The following GAS7 variants were observed in gnomAD, a reference collection of about 807,000 sequenced individuals.
GAS7 encodes the protein growth arrest specific 7.
GAS7 carries 28 observed loss-of-function variants against 71.1 expected under a neutral mutation model. That is an observed-to-expected ratio of 0.39 (90% CI 0.29 to 0.54). The LOEUF is 0.54. Among genes scored for constraint, GAS7 ranks in the 20% least tolerant of loss-of-function variants. The pLI is 0.62. For missense variants in GAS7, 436 were observed against 627.8 expected, an observed-to-expected ratio of 0.69 and a Z score of 3.27; for synonymous variants, 258 against 245.8, an observed-to-expected ratio of 1.05 and a Z score of -0.46.
At chr17:9,941,748 C>G (rs75896471) in intron 7 of GAS7, among the ~76,000 whole-genome samples, 1 of 152,324 alleles carries the variant, frequency 6.6e-6, no homozygotes, top group African/African-American at 2.4e-5. Context: ...ATTGTTTTCT[C>G]AAACCCGAGC....
chr17:10,055,380 T>C (rs760270933), intron 1 of GAS7, among the ~76,000 whole-genome samples: 30 of 152,164 alleles, frequency 2.0e-4, no homozygotes, highest in Non-Finnish European at 1.8e-4. Context: ...GATGTGGCCA[T>C]AGGCATCCTC....
chr17:10,085,706 A>AAAAAAG (rs1555531934), intron 1 of GAS7, among the ~76,000 whole-genome samples: 2 of 134,916 alleles, frequency 1.5e-5, no homozygotes, highest in African/African-American at 6.0e-5. Context: ...AAAAAAAAAA[A>AAAAAAG]AAAGAAAGAA....
intron 1 of GAS7, among the ~76,000 whole-genome samples, chr17:10,074,662 T>G (rs529561093): frequency 1.3e-5 from 2 of 152,338 alleles, no homozygotes; most frequent in South Asian, 4.1e-4. Flanking sequence ...AAAACCTACC[T>G]TAAAAAACTG....
At chr17:10,067,049 C>T (rs563680125) in intron 1 of GAS7, among the ~76,000 whole-genome samples, 3 of 152,256 alleles carry the variant, frequency 2.0e-5, no homozygotes, top group Middle Eastern at 3.4e-3. Flanking sequence ...TAAAAATTGG[C>T]CTCTCTTTGC....
At chr17:10,123,615 T>C (rs2073921771) in intron 1 of GAS7, among the ~76,000 whole-genome samples, 1 of 152,226 alleles carries the variant, frequency 6.6e-6, no homozygotes, top group South Asian at 2.1e-4. Flanking sequence ...TGGTCCTGTT[T>C]ATCATCTCTC....
intron 11 of GAS7, among the ~76,000 whole-genome samples, chr17:9,923,018 C>A (rs1046339539): frequency 6.6e-6 from 1 of 152,196 alleles, no homozygotes; most frequent in African/African-American, 2.4e-5. Flanking sequence ...AAGCGATTCT[C>A]CTGCTTTGGC....
intron 5 of GAS7, among the ~76,000 whole-genome samples, chr17:9,958,036 C>T (rs950471469): frequency 3.9e-5 from 6 of 152,180 alleles, no homozygotes; most frequent in Non-Finnish European, 8.8e-5. Context: ...AGGCTCTGTT[C>T]TAAGTGCTTT....
intron 1 of GAS7, among the ~76,000 whole-genome samples, chr17:10,084,989 G>C (rs1226789691): frequency 6.6e-6 from 1 of 152,096 alleles, no homozygotes; most frequent in African/African-American, 2.4e-5. Context: ...AGCAAGAAAG[G>C]GATGCATGGA....
chr17:10,164,848 G>GAAAA (rs755151597), intron 1 of GAS7, among the ~76,000 whole-genome samples: 77 of 106,054 alleles, frequency 7.3e-4, no homozygotes, highest in Non-Finnish European at 1.0e-3. Flanking sequence ...ATGAAAAAAG[G>GAAAA]AAAAAAAAAA....
rs149142004 is a variant in GAS7 at position 10,176,487 on chromosome 17, A to C, written c.183+21721T>G. Among the ~76,000 whole-genome samples, 56 of 152,368 alleles carry C rather than the reference A, an allele frequency of 3.7e-4. No homozygotes were observed. The East Asian group carries it at 8.5e-3, about 23-fold the overall frequency. ...TTCCAGTCATCCTCAAAATCCTTCT[A>C]GTCACCCTGAATGGGCAGCAGAATG... On this transcript the variant is annotated intron_variant, in intron 1 of 13. Coordinates refer to ENST00000432992, the MANE Select transcript of GAS7 (RefSeq NM_201433.2).
chr17:10,047,172 G>A (rs879933937), intron 1 of GAS7, among the ~76,000 whole-genome samples: 1 of 152,162 alleles, frequency 6.6e-6, no homozygotes, highest in Non-Finnish European at 1.5e-5. Flanking sequence ...GGCGTGGGAG[G>A]GGTGCTCACT....
chr17:10,030,797 T>C (rs2072599033), intron 1 of GAS7, among the ~76,000 whole-genome samples: 1 of 152,220 alleles, frequency 6.6e-6, no homozygotes, highest in Non-Finnish European at 1.5e-5. Context: ...GGTGACAATG[T>C]ATGTGGCAGC....
intron 1 of GAS7, among the ~76,000 whole-genome samples, chr17:10,149,141 C>G (rs1046077215): frequency 1.3e-5 from 2 of 152,146 alleles, no homozygotes; most frequent in Admixed American, 6.5e-5. Context: ...CTTGCTCTAT[C>G]ACCCAGACTG....
intron 5 of GAS7, among the ~76,000 whole-genome samples, chr17:9,957,865 A>T (rs936133502): frequency 6.6e-6 from 1 of 152,166 alleles, no homozygotes; most frequent in Non-Finnish European, 1.5e-5. Context: ...TCATGACACA[A>T]GGAACCCAAG....
At chr17:10,064,439 C>G (rs942124215) in intron 1 of GAS7, among the ~76,000 whole-genome samples, 14 of 152,226 alleles carry the variant, frequency 9.2e-5, no homozygotes, top group Admixed American at 2.0e-4. Context: ...GTGGAACCAC[C>G]TCACCTCATT....
At chr17:10,095,310 T>C (rs931598912) in intron 1 of GAS7, among the ~76,000 whole-genome samples, 1 of 152,192 alleles carries the variant, frequency 6.6e-6, no homozygotes, top group African/African-American at 2.4e-5. Context: ...TCCATGAAGC[T>C]TTCTGAGTGT....
At chr17:10,087,802 G>GAAA (rs938353404) in intron 1 of GAS7, among the ~76,000 whole-genome samples, 58 of 152,128 alleles carry the variant, frequency 3.8e-4, no homozygotes, top group African/African-American at 1.4e-3. Flanking sequence ...AATCCTCTAA[G>GAAA]AAAGTAAGCG....
chr17:10,033,206 C>A (rs969976874), intron 1 of GAS7, among the ~76,000 whole-genome samples: 3 of 152,102 alleles, frequency 2.0e-5, no homozygotes, highest in Non-Finnish European at 4.4e-5. Flanking sequence ...AGATTGTTGA[C>A]CTAACAGACT....
Position 9,918,248 on chromosome 17 carries a change from T to G in GAS7, c.1219-149A>C, listed in dbSNP as rs1198740680. 3 of 613,110 alleles carry G rather than the reference T, an allele frequency of 4.9e-6. No homozygotes were observed. In the East Asian group the frequency reaches 8.3e-5, roughly 17 times the overall value. The allele number at this position is 613,110 out of a possible 1,614,324, so 38.0% of individuals were successfully genotyped here. A position where few individuals can be genotyped will look rare whatever the true frequency, so the allele number is the denominator to read the frequency against. On this transcript the variant is annotated intron_variant, in intron 12 of 13. Coordinates refer to ENST00000432992, the MANE Select transcript of GAS7 (RefSeq NM_201433.2). ...TCTGATGAAGAGCGTGCCCCATATC[T>G]AAGGTGAAGGTGAAGCTGATGACAG...
Sources: gnomAD v4.1 joint callset for allele counts (sites outside exome capture counted in the v4.1 genomes callset) on GRCh38, gnomAD v4.1.1 for gene constraint, MANE v1.5 for transcripts, NCBI Gene and HGNC (gene_info 2026-07-23, HGNC 2026-07-21) for gene names.